The following GMDS variants were observed in gnomAD, a reference collection of about 807,000 sequenced individuals.
GMDS encodes GDP-mannose 4,6 dehydratase.
GMDS carries 20 observed loss-of-function variants against 49.9 expected under a neutral mutation model. The observed-to-expected ratio is 0.40, with a 90% confidence interval of 0.28 to 0.58. The LOEUF is 0.58. Ranked by LOEUF, GMDS falls within the 20% of genes least tolerant of loss-of-function variation. GMDS has a pLI of 0.42. For missense variants in GMDS, 362 were observed against 481.4 expected (o/e 0.75, Z 2.32); for synonymous variants, 177 against 178.6 (o/e 0.99, Z 0.07).
intron 7 of GMDS, among the ~76,000 whole-genome samples, chr6:1,846,634 T>C (rs1224746645): frequency 6.6e-6 from 1 of 152,144 alleles, no homozygotes; most frequent in African/African-American, 2.4e-5. Context: ...CAATCCTAGA[T>C]TGTGAACCTC....
At position 1,946,803 on chromosome 6, in the gene GMDS, C is replaced by T. The variant is rs555731733; in HGVS notation, c.643+13064G>A. On this transcript the variant is annotated intron_variant, in intron 6 of 10. Coordinates refer to ENST00000380815, the MANE Select transcript of GMDS (RefSeq NM_001500.4). Reference sequence around the variant, plus strand: ...GACTCAAAGTGAATGGGCACAATAGCTACCAGTGGGCATGTGCTGGCAGCC... The same window carrying T: ...GACTCAAAGTGAATGGGCACAATAGTTACCAGTGGGCATGTGCTGGCAGCC... Among the ~76,000 whole-genome samples, 4 of 152,302 alleles carry T rather than the reference C, an allele frequency of 2.6e-5. No homozygotes were observed. The South Asian group carries it at 8.3e-4, about 32-fold the overall frequency.
intron 7 of GMDS, among the ~76,000 whole-genome samples, chr6:1,802,634 G>A (rs941737063): frequency 6.6e-6 from 1 of 152,230 alleles, no homozygotes; most frequent in Non-Finnish European, 1.5e-5. Context: ...GCAGGAGGTA[G>A]GCCTGGGCGA....
At chr6:1,675,504 A>G (rs181488760) in intron 9 of GMDS, among the ~76,000 whole-genome samples, 1 of 152,242 alleles carries the variant, frequency 6.6e-6, no homozygotes, top group Non-Finnish European at 1.5e-5. Flanking sequence ...AAGAAGGGAC[A>G]TCCTTACCTT....
At chr6:2,007,987 C>T (rs1271825624) in intron 4 of GMDS, among the ~76,000 whole-genome samples, 2 of 152,072 alleles carry the variant, frequency 1.3e-5, no homozygotes, top group Non-Finnish European at 2.9e-5. Context: ...GTGCTTATCA[C>T]CATGTATTAC....
chr6:1,682,853 G>C lies in GMDS; in HGVS notation c.987+43563C>G. Among the ~76,000 whole-genome samples, 2 of 2,522 alleles carry C rather than the reference G, an allele frequency of 7.9e-4. 1 individual carries two copies. Among genetic ancestry groups the C allele is most frequent in the Non-Finnish European group, 3.3e-3 (2 of 614 alleles). 1.7% of individuals were successfully genotyped at this position (2,522 alleles called of 152,430 possible). A position where few individuals can be genotyped will look rare whatever the true frequency, so the allele number is the denominator to read the frequency against. On this transcript the variant is annotated intron_variant, in intron 9 of 10. Coordinates refer to ENST00000380815, the MANE Select transcript of GMDS (RefSeq NM_001500.4). The stretch of plus-strand genomic sequence containing the variant: ...CAAAGTGCTGGGATTACAGGCGTGA[G>C]CCACCGCGCCCGGCCTCATTTTTTT...
intron 9 of GMDS, among the ~76,000 whole-genome samples, chr6:1,664,652 G>A (rs1764184627): frequency 6.6e-6 from 1 of 152,152 alleles, no homozygotes; most frequent in African/African-American, 2.4e-5. Context: ...CTGTCACATT[G>A]ACATGTTTGA....
intron 1 of GMDS, among the ~76,000 whole-genome samples, chr6:2,206,830 T>C (rs1779828301): frequency 6.6e-6 from 1 of 152,188 alleles, no homozygotes; most frequent in African/African-American, 2.4e-5. Context: ...GGTATATTTG[T>C]TTAGGAACAG....
intron 9 of GMDS, among the ~76,000 whole-genome samples, chr6:1,702,930 T>TG (rs1285074541): frequency 1.3e-5 from 2 of 152,200 alleles, no homozygotes; most frequent in African/African-American, 4.8e-5. Context: ...TTATGACTGC[T>TG]GGGGTTTGTA....
At chr6:1,683,481 G>A (rs1191135027) in intron 9 of GMDS, among the ~76,000 whole-genome samples, 1 of 152,174 alleles carries the variant, frequency 6.6e-6, no homozygotes, top group Non-Finnish European at 1.5e-5. Flanking sequence ...TCATAATGGA[G>A]AAATTATTTT....
chr6:1,713,095 C>A (rs1766030645), intron 9 of GMDS, among the ~76,000 whole-genome samples: 1 of 152,224 alleles, frequency 6.6e-6, no homozygotes, highest in African/African-American at 2.4e-5. Flanking sequence ...ACTGACAAGT[C>A]AGAAATGTGG....
At chr6:1,976,650 T>C (rs1480775373) in intron 4 of GMDS, among the ~76,000 whole-genome samples, 1 of 127,646 alleles carries the variant, frequency 7.8e-6, no homozygotes, top group Non-Finnish European at 1.7e-5. Flanking sequence ...CAACAGATAC[T>C]ATAAGAGGAA....
At chr6:1,834,085 T>C (rs1228346880) in intron 7 of GMDS, among the ~76,000 whole-genome samples, 1 of 152,198 alleles carries the variant, frequency 6.6e-6, no homozygotes, top group Non-Finnish European at 1.5e-5. Context: ...AATCTAGTAG[T>C]TAAAGTTCAA....
intron 1 of GMDS, among the ~76,000 whole-genome samples, chr6:2,225,931 A>G (rs1162280199): frequency 6.6e-6 from 1 of 152,156 alleles, no homozygotes; most frequent in Non-Finnish European, 1.5e-5. Context: ...AAGGACTGCC[A>G]TTCCAGCTTT....
At chr6:1,966,373 A>G (rs1029353704) in intron 4 of GMDS, among the ~76,000 whole-genome samples, 2 of 17,624 alleles carry the variant, frequency 1.1e-4, no homozygotes, top group Non-Finnish European at 2.1e-4. Context: ...CAGACTGATG[A>G]AAAAAAAAAA....
At chr6:1,951,366 T>C (rs1345376574) in intron 6 of GMDS, among the ~76,000 whole-genome samples, 3 of 152,188 alleles carry the variant, frequency 2.0e-5, no homozygotes, top group Non-Finnish European at 4.4e-5. Context: ...TTCAGTCAGG[T>C]GAATACTGTG....
intron 7 of GMDS, among the ~76,000 whole-genome samples, chr6:1,815,222 C>G (rs1275971095): frequency 9.6e-6 from 1 of 103,856 alleles, no homozygotes; most frequent in Non-Finnish European, 1.8e-5. Context: ...ATTCATCTAC[C>G]GAAAAAAATT....
Position 2,191,206 on chromosome 6 carries a change from G to A in GMDS, c.102+54115C>T, listed in dbSNP as rs563282162. 1.8e-4 allele frequency among the ~76,000 whole-genome samples: 27 copies of A among 152,204 alleles called. No homozygotes were observed. Among genetic ancestry groups the A allele is most frequent in the Admixed American group, 7.2e-4 (11 of 15,294 alleles). ...GTCCGCCCCGCATGGGGTGACCACC[G>A]GGCCTGACACTCCCGACCCGCTATC... On this transcript the variant is annotated intron_variant, in intron 1 of 10. Coordinates refer to ENST00000380815, the MANE Select transcript of GMDS (RefSeq NM_001500.4). The surrounding 1 kb of genome is among the most constrained non-coding windows in gnomAD (Gnocchi z 4.6).
chr6:2,083,651 C>A (rs1772844287), intron 4 of GMDS, among the ~76,000 whole-genome samples: 1 of 152,166 alleles, frequency 6.6e-6, no homozygotes, highest in South Asian at 2.1e-4. Flanking sequence ...TATGCCTATA[C>A]CCTCAGAAAG....
intron 6 of GMDS, among the ~76,000 whole-genome samples, chr6:1,953,536 AG>A (rs1763469764): frequency 6.6e-6 from 1 of 152,204 alleles, no homozygotes; most frequent in Admixed American, 6.5e-5. Context: ...AGTTTTGTAA[AG>A]GTCACCATAT....
Sources: allele counts gnomAD v4.1 joint callset (sites outside exome capture counted in the v4.1 genomes callset), GRCh38; gene constraint gnomAD v4.1.1; non-coding constraint Gnocchi (gnomAD v3.1); transcripts MANE v1.5; gene names NCBI Gene and HGNC (gene_info 2026-07-23, HGNC 2026-07-21).